KSR1: variants seen among roughly 807,000 people sequenced by gnomAD.
KSR1 encodes the protein kinase suppressor of ras 1, also known as kinase suppressor of ras.
Under a neutral mutation model 92.9 loss-of-function variants are expected in KSR1, and 35 were observed. That is an observed-to-expected ratio of 0.38 (90% confidence interval 0.29 to 0.50). The LOEUF is 0.50. Among genes scored for constraint, KSR1 ranks in the 20% least tolerant of loss-of-function variants. The pLI, the probability that KSR1 is intolerant of heterozygous loss-of-function variation, is 0.94. For missense variants in KSR1, 972 were observed against 1,158.5 expected (o/e 0.84, Z 2.34); for synonymous variants, 467 against 472.6 (o/e 0.99, Z 0.15).
At chr17:27,493,831 T>G (rs759800451) in intron 1 of KSR1, among the ~76,000 whole-genome samples, 10 of 152,122 alleles carry the variant, frequency 6.6e-5, no homozygotes, top group Non-Finnish European at 1.3e-4. Context: ...AGCTGGAGAT[T>G]TTTGCCTGCT....
intron 2 of KSR1, among the ~76,000 whole-genome samples, chr17:27,554,942 C>A (rs571629929): frequency 1.2e-4 from 18 of 152,362 alleles, no homozygotes; most frequent in African/African-American, 3.6e-4. Context: ...GTTTCCCCAT[C>A]ATTAACGTTG....
chr17:27,494,127 C>T (rs868321599), intron 1 of KSR1, among the ~76,000 whole-genome samples: 9 of 151,930 alleles, frequency 5.9e-5, no homozygotes, highest in African/African-American at 2.2e-4. Flanking sequence ...TCTCCTTCTC[C>T]CACTCCGCTG....
At chr17:27,509,320 T>G (rs2069510337) in intron 1 of KSR1, among the ~76,000 whole-genome samples, 1 of 151,814 alleles carries the variant, frequency 6.6e-6, no homozygotes, top group African/African-American at 2.4e-5. Context: ...AGACAGAGTT[T>G]CGCTTTGTTG....
chr17:27,617,208 C>T lies in KSR1; in HGVS notation c.2494-87C>T, dbSNP rs540522711. The stretch of plus-strand genomic sequence containing the variant: ...CCAGTTAGAGGGCACTTGAGAACAT[C>T]AAAGGGACCCTTTGTGGAGCACCCC... On this transcript the variant is annotated intron_variant, in intron 18 of 20. Transcript: ENST00000644974. 1.2e-4 allele frequency: 166 copies of T among 1,407,362 alleles called. 2 individuals carry two copies. The South Asian group carries it at 1.6e-3, about 14-fold the overall frequency. The allele number at this position is 1,407,362 out of a possible 1,614,324, so 87.2% of individuals were successfully genotyped here.
intron 12 of KSR1, among the ~76,000 whole-genome samples, chr17:27,604,372 C>CGAGTCCTGTG (rs1173989801): frequency 1.3e-5 from 2 of 152,164 alleles, no homozygotes; most frequent in Non-Finnish European, 2.9e-5. Context: ...CGTCAGATTC[C>CGAGTCCTGTG]GAGTCCTGTG....
intron 1 of KSR1, among the ~76,000 whole-genome samples, chr17:27,486,520 G>T (rs985716494): frequency 1.3e-5 from 2 of 152,204 alleles, no homozygotes; most frequent in Non-Finnish European, 1.5e-5. Flanking sequence ...GGCTGACAAT[G>T]CCTGGAGAAT....
chr17:27,571,425 C>T (rs920965534), intron 2 of KSR1, among the ~76,000 whole-genome samples: 1 of 152,198 alleles, frequency 6.6e-6, no homozygotes, highest in African/African-American at 2.4e-5. Flanking sequence ...ACATGTGGCT[C>T]CCAGCCTGGG....
At chr17:27,462,577 G>C (rs2019496886) in intron 1 of KSR1, among the ~76,000 whole-genome samples, 1 of 152,232 alleles carries the variant, frequency 6.6e-6, no homozygotes, top group African/African-American at 2.4e-5. Context: ...TGAGAAAGGA[G>C]AAGCTGCCTA....
chr17:27,527,194 G>T (rs2070339336), intron 1 of KSR1: 1 of 246,342 alleles, frequency 4.1e-6, no homozygotes, highest in Non-Finnish European at 8.5e-6. Flanking sequence ...AGAAGTATTT[G>T]GCAGGTTTTA....
chr17:27,590,071 A>G (rs1033445808), intron 6 of KSR1, among the ~76,000 whole-genome samples: 1 of 152,224 alleles, frequency 6.6e-6, no homozygotes, highest in Non-Finnish European at 1.5e-5. Flanking sequence ...GAATTTATGT[A>G]TTCATACACA....
intron 1 of KSR1, among the ~76,000 whole-genome samples, chr17:27,497,276 A>G (rs925157834): frequency 2.4e-4 from 36 of 152,236 alleles, no homozygotes; most frequent in Non-Finnish European, 4.3e-4. Context: ...AAGCTGGGGA[A>G]GATTGAATAA....
At chr17:27,514,274 A>G (rs2069708785) in intron 1 of KSR1, among the ~76,000 whole-genome samples, 2 of 152,236 alleles carry the variant, frequency 1.3e-5, no homozygotes, top group South Asian at 4.1e-4. Flanking sequence ...TTGGAGGAAA[A>G]CAGTAAGATA....
intron 19 of KSR1, chr17:27,620,923 C>G (rs2074206084): frequency 3.1e-6 from 1 of 326,138 alleles, no homozygotes; most frequent in East Asian, 4.6e-5. Flanking sequence ...AGCATGCGGG[C>G]TTTCCTTTCC....
chr17:27,558,739 G>A (rs1361476958), intron 2 of KSR1, among the ~76,000 whole-genome samples: 1 of 149,832 alleles, frequency 6.7e-6, no homozygotes, highest in Non-Finnish European at 1.5e-5. Flanking sequence ...AACAAAATCC[G>A]TGAAGTCTCT....
At chr17:27,501,564 G>A (rs1197610511) in intron 1 of KSR1, among the ~76,000 whole-genome samples, 2 of 152,288 alleles carry the variant, frequency 1.3e-5, no homozygotes, top group African/African-American at 2.4e-5. Context: ...CTGCTGCTGT[G>A]TGTAGCCTCA....
At chr17:27,525,274 C>T (rs1167952850) in intron 1 of KSR1, among the ~76,000 whole-genome samples, 1 of 152,188 alleles carries the variant, frequency 6.6e-6, no homozygotes, top group Non-Finnish European at 1.5e-5. Context: ...GTGAAGGGTT[C>T]CTTAAATCCA....
chr17:27,481,710 T>G (rs149923782), intron 1 of KSR1, among the ~76,000 whole-genome samples: 209 of 152,320 alleles, frequency 1.4e-3, no homozygotes, highest in African/African-American at 4.9e-3. Flanking sequence ...GGTTTTAGGT[T>G]ACATGGATGA....
chr17:27,593,884 G>T (rs930525618), intron 9 of KSR1, among the ~76,000 whole-genome samples: 1 of 152,200 alleles, frequency 6.6e-6, no homozygotes, highest in African/African-American at 2.4e-5. Context: ...TCTCACAGAT[G>T]TCACTCGTGC....
chr17:27,617,156 C>T, intron 18 of KSR1, 139 bp from the exon 19 acceptor site: 7 of 861,830 alleles, frequency 8.1e-6, no homozygotes, highest in Non-Finnish European at 1.2e-5. Flanking sequence ...CTCACCCCTT[C>T]ATGTCGGCAG....
Sources: allele counts gnomAD v4.1 joint callset (sites outside exome capture counted in the v4.1 genomes callset), GRCh38; gene constraint gnomAD v4.1.1; transcripts MANE v1.5; gene names NCBI Gene and HGNC (gene_info 2026-07-23, HGNC 2026-07-21).